The following RPGRIP1 variants were observed in gnomAD, a reference collection of about 807,000 sequenced individuals.
The protein encoded by RPGRIP1 is RPGR interacting protein 1.
A neutral mutation model predicts 157.9 loss-of-function variants in RPGRIP1; 128 were observed. That is an observed-to-expected ratio of 0.81 (90% CI 0.70 to 0.94). The LOEUF (loss-of-function observed/expected upper bound fraction) is 0.94, where lower values mean the gene tolerates loss of function less well. Ranked by LOEUF, RPGRIP1 falls within the 40% of genes least tolerant of loss-of-function variation. The pLI is 0.00. For missense variants in RPGRIP1, 1,486 were observed against 1,545.8 expected (o/e 0.96, Z 0.65); for synonymous variants, 554 against 571.6 (o/e 0.97, Z 0.44).
Position 21,301,024 on chromosome 14 carries a change from G to C in RPGRIP1, c.277G>C (p.Glu93Gln). ...AAGRDLRVAE[E>Q]AAPLSETARR... ...TGGCCGGGACCTGCGGGTCGCGGAG[G>C]AGGCGGCGCCGCTCTCGGAGACCGC... The change falls in exon 4 of 25, where the codon GAG (glutamate) becomes CAG (glutamine). Residue 93 changes from glutamate (E) to glutamine (Q), a missense_variant. By Grantham distance (29) the Glu-to-Gln change is conservative. Coordinates refer to ENST00000400017, the MANE Select transcript of RPGRIP1 (RefSeq NM_020366.4). 6.2e-7 allele frequency: 1 copy of C among 1,612,502 alleles called. No individual in the cohort carries two copies. The highest frequency in any genetic ancestry group is 1.3e-5 in the African/African-American group (1 of 75,028).
chr14:21,296,728 G>A (rs1007785699), intron 3 of RPGRIP1, among the ~76,000 whole-genome samples: 7 of 151,908 alleles, frequency 4.6e-5, no homozygotes, highest in African/African-American at 4.8e-5. Flanking sequence ...AGGCCAAGGC[G>A]GGTGGATCAC....
At chr14:21,281,883 C>T (rs1227909055) in intron 1 of RPGRIP1, among the ~76,000 whole-genome samples, 5 of 151,258 alleles carry the variant, frequency 3.3e-5, no homozygotes, top group South Asian at 2.1e-4. Context: ...TCCCAAGGTC[C>T]GGAGTTCGAG....
chr14:21,331,005 GTT>G (rs1883719346), intron 20 of RPGRIP1, among the ~76,000 whole-genome samples: 1 of 151,788 alleles, frequency 6.6e-6, no homozygotes, highest in African/African-American at 2.4e-5. Flanking sequence ...TGCCTCCTGG[GTT>G]CAAGCAATTC....
chr14:21,328,350 C>G, intron 18 of RPGRIP1, 74 bp from the exon 19 acceptor site: 2 of 1,099,194 alleles, frequency 1.8e-6, no homozygotes, highest in Non-Finnish European at 2.7e-6. Flanking sequence ...AACACTAGTT[C>G]CCAAATCCCT....
At chr14:21,280,714 C>T (rs1880095399) in intron 1 of RPGRIP1, among the ~76,000 whole-genome samples, 1 of 151,994 alleles carries the variant, frequency 6.6e-6, no homozygotes, top group Non-Finnish European at 1.5e-5. Flanking sequence ...ATTCTTCCAT[C>T]CCCCACCCCC....
intron 17 of RPGRIP1, among the ~76,000 whole-genome samples, 200 bp downstream of exon 17, chr14:21,326,373 T>G (rs189687080): frequency 1.3e-5 from 2 of 152,192 alleles, no homozygotes; most frequent in African/African-American, 4.8e-5. Flanking sequence ...TTCTTCTGCT[T>G]CTTTTCAGCC....
intron 23 of RPGRIP1, among the ~76,000 whole-genome samples, chr14:21,345,620 G>T (rs938991348): frequency 4.6e-5 from 7 of 151,834 alleles, no homozygotes; most frequent in Non-Finnish European, 7.4e-5. Context: ...CTCATGTCTG[G>T]TCTTGAACTC....
rs1466904339 is a variant in RPGRIP1, at chr14:21,325,050, A to G, written c.2195A>G (p.His732Arg). Reference protein sequence around the residue: ...DRVLETVEKVHGLATLIGAGG... With the variant: ...DRVLETVEKVRGLATLIGAGG... ...GTGCTAGAGACTGTGGAGAAAGTCC[A>G]TGGCTTGGCCACACTGATTGGTAAG... is the stretch of plus-strand genomic sequence containing the variant. The change falls in exon 15 of 25, where the codon CAT (histidine) becomes CGT (arginine). Residue 732 changes from histidine (H) to arginine (R), a missense_variant. His to Arg is a conservative substitution (Grantham distance 29). Coordinates refer to ENST00000400017, the MANE Select transcript of RPGRIP1 (RefSeq NM_020366.4). 1.9e-6 allele frequency: 3 copies of G among 1,611,610 alleles called. No individual in the cohort carries two copies. The highest frequency in any genetic ancestry group is 2.5e-6 in the Non-Finnish European group (3 of 1,177,902).
At chr14:21,340,130 G>A (rs1884838558) in intron 21 of RPGRIP1, among the ~76,000 whole-genome samples, 1 of 152,144 alleles carries the variant, frequency 6.6e-6, no homozygotes, top group East Asian at 1.9e-4. Context: ...AAGTGTAAAG[G>A]CCCTGAGGTA....
chr14:21,281,045 ATCTC>A (rs1013593944), intron 1 of RPGRIP1, among the ~76,000 whole-genome samples: 1 of 150,624 alleles, frequency 6.6e-6, no homozygotes, highest in African/African-American at 2.4e-5. Context: ...TTGAGACAGA[ATCTC>A]TCTCTCTCGT....
intron 2 of RPGRIP1, among the ~76,000 whole-genome samples, chr14:21,288,869 A>C (rs190565477): frequency 2.4e-4 from 36 of 152,258 alleles, no homozygotes; most frequent in African/African-American, 8.2e-4. Flanking sequence ...AGGTAAAGCT[A>C]AATACTACCA....
At chr14:21,330,468 A>G in intron 20 of RPGRIP1, 81 bp downstream of exon 20, 5 of 1,027,974 alleles carry the variant, frequency 4.9e-6, no homozygotes, top group Non-Finnish European at 6.4e-6. Context: ...GGCTTTCAAG[A>G]GCAGCCTGGC....
At chr14:21,307,597 C>G (rs1881370973) in intron 6 of RPGRIP1, 134 bp from the exon 7 acceptor site, 1 of 626,210 alleles carries the variant, frequency 1.6e-6, no homozygotes, top group African/African-American at 1.9e-5. Flanking sequence ...ACACCACATA[C>G]TTGTGTTCTA....
At chr14:21,311,077 G>C (rs903552180) in intron 8 of RPGRIP1, among the ~76,000 whole-genome samples, 7 of 152,218 alleles carry the variant, frequency 4.6e-5, no homozygotes, top group African/African-American at 1.4e-4. Context: ...AGACCACCCA[G>C]CTGTGCCTCA....
intron 10 of RPGRIP1, among the ~76,000 whole-genome samples, chr14:21,315,806 A>ATT (rs1360256191): frequency 6.9e-6 from 1 of 144,600 alleles, no homozygotes; most frequent in South Asian, 2.2e-4. Context: ...TATTATTATT[A>ATT]TTTTTTTTTT....
At chr14:21,332,566 C>T (rs973634040) in intron 20 of RPGRIP1, among the ~76,000 whole-genome samples, 1 of 152,076 alleles carries the variant, frequency 6.6e-6, no homozygotes, top group Non-Finnish European at 1.5e-5. Flanking sequence ...GTATCCAGAC[C>T]TGAATGCGGG....
intron 21 of RPGRIP1, among the ~76,000 whole-genome samples, chr14:21,339,813 G>A (rs189342693): frequency 2.6e-5 from 4 of 152,204 alleles, no homozygotes; most frequent in Admixed American, 2.0e-4. Context: ...AGTAACTGCC[G>A]GGCTCTGTGG....
At chr14:21,345,851 A>T (rs1177178970) in intron 23 of RPGRIP1, among the ~76,000 whole-genome samples, 1 of 151,642 alleles carries the variant, frequency 6.6e-6, no homozygotes, top group African/African-American at 2.4e-5. Context: ...ACAGTGTCTC[A>T]CTCTGTTGTC....
chr14:21,349,066 C>T (rs768902697), intron 24 of RPGRIP1, among the ~76,000 whole-genome samples: 1 of 96,670 alleles, frequency 1.0e-5, no homozygotes, highest in African/African-American at 4.0e-5. Flanking sequence ...CTCCTTACTA[C>T]AATTTTTTTT....
Sources: gnomAD v4.1 joint callset for allele counts (sites outside exome capture counted in the v4.1 genomes callset) on GRCh38, gnomAD v4.1.1 for gene constraint, MANE v1.5 for transcripts, NCBI Gene and HGNC (gene_info 2026-07-23, HGNC 2026-07-21) for gene names.